Variants in UTRN observed in about 807,000 individuals in gnomAD.
UTRN encodes utrophin.
UTRN carries 283 observed loss-of-function variants against 463.9 expected under a neutral mutation model. The observed-to-expected ratio is 0.61, with a 90% CI of 0.55 to 0.67. The LOEUF (loss-of-function observed/expected upper bound fraction) is 0.67, where lower values mean the gene tolerates loss of function less well. Among genes scored for constraint, UTRN ranks in the 30% least tolerant of loss-of-function variants. The pLI, the probability that UTRN is intolerant of heterozygous loss-of-function variation, is 0.00. For synonymous variants in UTRN, 1,442 were observed against 1,431.5 expected, an observed-to-expected ratio of 1.01 and a Z score of -0.17; for missense variants, 3,922 against 4,084.3, an observed-to-expected ratio of 0.96 and a Z score of 1.08.
rs1782444117 is a variant in UTRN at position 144,850,969 on chromosome 6, GCTATTTT to G, written c.10294-18_10294-12del. ...ATGTTTTGTGCAAATTTCTGACAGT[GCTATTTT>G]CCCTTCCCATAGGCAATGTGAAGTA... is the stretch of plus-strand genomic sequence containing the variant. On this transcript the variant is annotated splice_polypyrimidine_tract_variant and intron_variant, in intron 74 of 74. Transcript: ENST00000367545. 1.2e-6 allele frequency: 2 copies of G among 1,613,526 alleles called. No homozygotes were observed. Among genetic ancestry groups the G allele is most frequent in the Non-Finnish European group, 1.7e-6 (2 of 1,179,562 alleles).
At chr6:144,718,278 T>C (rs1181493733) in intron 53 of UTRN, among the ~76,000 whole-genome samples, 1 of 152,138 alleles carries the variant, frequency 6.6e-6, no homozygotes, top group African/African-American at 2.4e-5. Flanking sequence ...AAGACTGGCC[T>C]GGTCAACATA....
intron 52 of UTRN, among the ~76,000 whole-genome samples, chr6:144,687,546 T>C (rs1782893547): frequency 6.6e-6 from 1 of 152,146 alleles, no homozygotes; most frequent in Non-Finnish European, 1.5e-5. Flanking sequence ...CCTTTGGCAT[T>C]TGGCTGTGTG....
chr6:144,454,052 TA>T (rs1788582501), intron 19 of UTRN, among the ~76,000 whole-genome samples, 183 bp downstream of exon 19: 1 of 152,144 alleles, frequency 6.6e-6, no homozygotes, highest in African/African-American at 2.4e-5. Flanking sequence ...AAGCTGATTG[TA>T]AAAAAGCAGA....
At position 144,331,283 on chromosome 6, in the gene UTRN, A is replaced by G. The variant is rs534493470; in HGVS notation, c.79+39376A>G. Among the ~76,000 whole-genome samples the G allele has an allele frequency of 6.7e-4, 102 of 152,296 alleles. 4 individuals are homozygous for G. The South Asian group carries it at 0.021, about 31-fold the overall frequency. On this transcript the variant is annotated intron_variant, in intron 2 of 74. Transcript: ENST00000367545. Reference sequence around the variant, plus strand: ...TAAATATGATTTATTTTGCTTACTAACCTTGTAAATCATCTAGGATAGGAC... The same window carrying G: ...TAAATATGATTTATTTTGCTTACTAGCCTTGTAAATCATCTAGGATAGGAC...
chr6:144,436,453 A>G (rs914848595), intron 10 of UTRN, among the ~76,000 whole-genome samples: 1 of 152,156 alleles, frequency 6.6e-6, no homozygotes, highest in Non-Finnish European at 1.5e-5. Context: ...GAACCAATAC[A>G]CCAAATCTTT....
At position 144,550,987 on chromosome 6, in the gene UTRN, A is replaced by G; in HGVS notation, c.6833A>G (p.Gln2278Arg). The part of the protein sequence containing the change: ...RMKITKADLE[Q>R]RHPQLDYVFT... ...CAGATTACAAAGGCTGACTTAGAAC[A>G]GCGCCATCCTCAGCTGGATTATGTT... Residue 2278 changes from glutamine (Q) to arginine (R), a missense_variant, in exon 48 of 75, where the codon CAG (glutamine) becomes CGG (arginine). By Grantham distance (43) the Gln-to-Arg change is conservative. Coordinates refer to ENST00000367545, the MANE Select transcript of UTRN (RefSeq NM_007124.3). The G allele has an allele frequency of 6.2e-7, 1 of 1,609,220 alleles. No homozygotes were observed. The highest frequency in any genetic ancestry group is 8.5e-7 in the Non-Finnish European group (1 of 1,178,796).
intron 51 of UTRN, among the ~76,000 whole-genome samples, chr6:144,593,169 G>C (rs924586007): frequency 2.0e-5 from 3 of 152,244 alleles, no homozygotes; most frequent in South Asian, 2.1e-4. Context: ...AGCTGTCCAC[G>C]TTCTTGGCGC....
At chr6:144,561,842 T>A (rs998385203) in intron 50 of UTRN, among the ~76,000 whole-genome samples, 2 of 152,186 alleles carry the variant, frequency 1.3e-5, no homozygotes, top group African/African-American at 2.4e-5. Flanking sequence ...CATATGCTCT[T>A]TCATATAATG....
chr6:144,523,244 C>T (rs958436161), intron 41 of UTRN, 56 bp downstream of exon 41: 25 of 1,329,698 alleles, frequency 1.9e-5, no homozygotes, highest in East Asian at 2.7e-5. Flanking sequence ...AGTTCATGGG[C>T]GTGAAGAAGA....
At chr6:144,523,552 C>T (rs916392539) in intron 41 of UTRN, among the ~76,000 whole-genome samples, 18 of 152,116 alleles carry the variant, frequency 1.2e-4, no homozygotes, top group Admixed American at 3.9e-4. Flanking sequence ...TCAGGCAGTC[C>T]GCCTTGCCTT....
chr6:144,306,335 G>A (rs1805734868), intron 2 of UTRN, among the ~76,000 whole-genome samples: 1 of 152,072 alleles, frequency 6.6e-6, no homozygotes, highest in African/African-American at 2.4e-5. Flanking sequence ...GAGGACCTTT[G>A]GGTGGCTGTC....
Position 144,851,776 on chromosome 6 carries a change from G to A in UTRN, c.*779G>A, listed in dbSNP as rs757835781. 1 of 152,024 alleles carries A rather than the reference G, an allele frequency of 6.6e-6. No homozygotes were observed. The highest frequency in any genetic ancestry group is 6.6e-5 in the Admixed American group (1 of 15,252). The allele number at this position is 152,024 out of a possible 1,614,324, so 9.4% of individuals were successfully genotyped here. ...ATTTTATTCCCTTTTTATATAAGTAGGAATTAATTATTTATTTTATGTCTT... is the reference window on the plus strand; with the variant it reads ...ATTTTATTCCCTTTTTATATAAGTAAGAATTAATTATTTATTTTATGTCTT... On this transcript the variant is annotated 3_prime_UTR_variant, in exon 75 of 75. Coordinates refer to ENST00000367545, the MANE Select transcript of UTRN (RefSeq NM_007124.3).
intron 55 of UTRN, among the ~76,000 whole-genome samples, chr6:144,749,955 T>C (rs1247593827): frequency 6.6e-6 from 1 of 152,162 alleles, no homozygotes; most frequent in Non-Finnish European, 1.5e-5. Context: ...TAATCTTTAA[T>C]AGATAAAAAT....
At chr6:144,749,837 T>G (rs1328537742) in intron 55 of UTRN, among the ~76,000 whole-genome samples, 1 of 152,188 alleles carries the variant, frequency 6.6e-6, no homozygotes, top group Non-Finnish European at 1.5e-5. Flanking sequence ...TTTTAAAGCC[T>G]GTCTTGAAGT....
At chr6:144,739,880 T>TA (rs1247842217) in intron 54 of UTRN, among the ~76,000 whole-genome samples, 1 of 152,110 alleles carries the variant, frequency 6.6e-6, no homozygotes, top group Non-Finnish European at 1.5e-5. Context: ...TTCTTCATAA[T>TA]ATCATGCTAA....
intron 2 of UTRN, among the ~76,000 whole-genome samples, chr6:144,327,494 T>C (rs769450392): frequency 5.3e-5 from 8 of 152,198 alleles, no homozygotes; most frequent in Non-Finnish European, 1.2e-4. Context: ...TGTTGCCCAC[T>C]GGCCTAACTC....
chr6:144,542,539 A>AG (rs1312954381), intron 45 of UTRN, among the ~76,000 whole-genome samples: 1 of 152,094 alleles, frequency 6.6e-6, no homozygotes, highest in Non-Finnish European at 1.5e-5. Context: ...AATTCAAGGG[A>AG]GGGGGAGTGG....
At chr6:144,702,760 C>G (rs185722010) in intron 53 of UTRN, among the ~76,000 whole-genome samples, 37 of 152,126 alleles carry the variant, frequency 2.4e-4, no homozygotes, top group Admixed American at 1.2e-3. Flanking sequence ...GGCCACAGAG[C>G]CTGCAATGTT....
chr6:144,644,414 T>G (rs922401966), intron 51 of UTRN, among the ~76,000 whole-genome samples: 1 of 152,144 alleles, frequency 6.6e-6, no homozygotes, highest in Non-Finnish European at 1.5e-5. Flanking sequence ...TCTGACTCAT[T>G]AAGAAGTGAA....
Sources: gnomAD v4.1 joint callset for allele counts (sites outside exome capture counted in the v4.1 genomes callset) on GRCh38, gnomAD v4.1.1 for gene constraint, MANE v1.5 for transcripts, NCBI Gene and HGNC (gene_info 2026-07-23, HGNC 2026-07-21) for gene names.